CSMD1: variants seen among roughly 807,000 people sequenced by gnomAD.
CSMD1 encodes CUB and sushi domain-containing protein 1.
In CSMD1, 213 loss-of-function variants were observed where a neutral mutation model predicts 417.5. That is an observed-to-expected ratio of 0.51 (90% CI 0.46 to 0.57). The LOEUF (loss-of-function observed/expected upper bound fraction) is 0.57. Ranked by LOEUF, CSMD1 falls within the 20% of genes least tolerant of loss-of-function variation. The pLI is 0.00. For missense variants in CSMD1, 6,923 were observed against 4,529.7 expected (o/e 1.53, Z -15.17); for synonymous variants, 2,862 against 1,736.8 (o/e 1.65, Z -16.11).
intron 2 of CSMD1, among the ~76,000 whole-genome samples, chr8:4,516,035 TTC>T (rs1365128220): frequency 3.9e-5 from 6 of 152,116 alleles, no homozygotes; most frequent in African/African-American, 2.4e-5. Flanking sequence ...GAGGACTGAG[TTC>T]TGTCTTCCCA....
At chr8:4,274,833 G>C (rs1421795497) in intron 3 of CSMD1, among the ~76,000 whole-genome samples, 2 of 152,020 alleles carry the variant, frequency 1.3e-5, no homozygotes, top group Non-Finnish European at 2.9e-5. Context: ...GCTTTGCTTT[G>C]AAAACTATTG....
chr8:4,064,713 G>C lies in CSMD1; in HGVS notation c.416-32614C>G, dbSNP rs561238624. Among the ~76,000 whole-genome samples, 3 of 152,122 alleles carry C rather than the reference G, an allele frequency of 2.0e-5. No individual in the cohort carries two copies. The South Asian group carries it at 6.2e-4, about 32-fold the overall frequency. On this transcript the variant is annotated intron_variant, in intron 3 of 69. Coordinates refer to ENST00000635120, the MANE Select transcript of CSMD1 (RefSeq NM_033225.6). The stretch of plus-strand genomic sequence containing the variant: ...TGCCCTGGCGTGTTGGTCACCCCCA[G>C]TATCCGTACTCAACCTTCACAACCG...
intron 3 of CSMD1, among the ~76,000 whole-genome samples, chr8:4,343,621 C>G (rs950109554): frequency 2.0e-5 from 3 of 152,168 alleles, no homozygotes; most frequent in East Asian, 1.9e-4. Flanking sequence ...AAAAAGCAGA[C>G]TATGTGCACT....
chr8:4,046,559 T>G (rs1431209245), intron 3 of CSMD1, among the ~76,000 whole-genome samples: 1 of 152,192 alleles, frequency 6.6e-6, no homozygotes, highest in Non-Finnish European at 1.5e-5. Context: ...AGTATAACTG[T>G]GGGCTTCCAG....
At chr8:4,418,288 A>C (rs575701816) in intron 3 of CSMD1, among the ~76,000 whole-genome samples, 41 of 152,286 alleles carry the variant, frequency 2.7e-4, no homozygotes, top group Non-Finnish European at 5.1e-4. Context: ...TTTTCTAGAA[A>C]GTTTTTCAGT....
intron 21 of CSMD1, among the ~76,000 whole-genome samples, chr8:3,355,840 A>C (rs1808743604): frequency 6.6e-6 from 1 of 152,190 alleles, no homozygotes; most frequent in Non-Finnish European, 1.5e-5. Flanking sequence ...GCAAGTGAAA[A>C]AGAAGATCCT....
chr8:4,821,255 A>G (rs1799508165), intron 1 of CSMD1, among the ~76,000 whole-genome samples: 1 of 152,190 alleles, frequency 6.6e-6, no homozygotes, highest in Admixed American at 6.5e-5. Flanking sequence ...CGCAGACTCC[A>G]GTTCAAATTG....
chr8:4,129,767 T>G (rs1802985259), intron 3 of CSMD1, among the ~76,000 whole-genome samples: 1 of 152,158 alleles, frequency 6.6e-6, no homozygotes, highest in Non-Finnish European at 1.5e-5. Flanking sequence ...CTGGAAAATT[T>G]CTTCAACAAT....
rs567537306 is a variant in CSMD1, at chr8:4,532,140, C to A, written c.302+105202G>T. On this transcript the variant is annotated intron_variant, in intron 2 of 69. Coordinates refer to ENST00000635120, the MANE Select transcript of CSMD1 (RefSeq NM_033225.6). ...CAGTCACTCCGGAAGAGAAATCCTG[C>A]AAGCCCATTCACAGTCCTCCAGAAA... Among the ~76,000 whole-genome samples the A allele has an allele frequency of 3.5e-3, 185 of 53,246 alleles. 1 individual carries two copies. Among genetic ancestry groups the A allele is most frequent in the African/African-American group, 0.013 (180 of 14,304 alleles). The allele number at this position is 53,246 out of a possible 152,430, so 34.9% of individuals were successfully genotyped here.
chr8:3,251,637 C>G (rs1038361148), intron 26 of CSMD1, among the ~76,000 whole-genome samples: 1 of 152,170 alleles, frequency 6.6e-6, no homozygotes, highest in Admixed American at 6.5e-5. Flanking sequence ...GGCTTTGAAT[C>G]TATCAATTAC....
chr8:4,245,506 G>A lies in CSMD1; in HGVS notation c.415+174447C>T, dbSNP rs181451000. On this transcript the variant is annotated intron_variant, in intron 3 of 69. Transcript: ENST00000635120. Reference sequence around the variant, plus strand: ...ACTCTTCATGAAGAGCCTAAGGTTGGATGTTTCCCAATCCATGGTCTCTCC... The same window carrying A: ...ACTCTTCATGAAGAGCCTAAGGTTGAATGTTTCCCAATCCATGGTCTCTCC... Among the ~76,000 whole-genome samples the A allele has an allele frequency of 2.6e-5, 4 of 152,256 alleles. No homozygotes were observed. The East Asian group carries it at 5.8e-4, about 22-fold the overall frequency.
intron 68 of CSMD1, among the ~76,000 whole-genome samples, chr8:2,945,094 G>A (rs189773174): frequency 7.2e-4 from 109 of 152,244 alleles, no homozygotes; most frequent in African/African-American, 2.4e-3. Flanking sequence ...TACACACATT[G>A]TGTTAATTAA....
chr8:4,176,314 T>C (rs1393229009), intron 3 of CSMD1, among the ~76,000 whole-genome samples: 1 of 152,132 alleles, frequency 6.6e-6, no homozygotes, highest in Non-Finnish European at 1.5e-5. Flanking sequence ...CTTATCTATA[T>C]TGTTTGCTGA....
intron 5 of CSMD1, among the ~76,000 whole-genome samples, chr8:3,846,945 G>A (rs939149407): frequency 6.6e-6 from 1 of 152,184 alleles, no homozygotes; most frequent in Admixed American, 6.5e-5. Context: ...AAAGTGCTGT[G>A]ATTACAGCCG....
intron 1 of CSMD1, among the ~76,000 whole-genome samples, chr8:4,986,774 C>G (rs1395452763): frequency 2.0e-5 from 3 of 151,926 alleles, no homozygotes; most frequent in Non-Finnish European, 4.4e-5. Flanking sequence ...AATAGAGGCA[C>G]TGATGATAAA....
intron 1 of CSMD1, among the ~76,000 whole-genome samples, chr8:4,810,552 T>A (rs1798839174): frequency 6.6e-6 from 1 of 152,124 alleles, no homozygotes; most frequent in Admixed American, 6.6e-5. Context: ...CGCACGCGCG[T>A]ATGTGTGTGT....
chr8:3,052,699 A>G, intron 49 of CSMD1, 52 bp from the exon 50 acceptor site: 1 of 1,292,596 alleles, frequency 7.7e-7, no homozygotes, highest in Non-Finnish European at 1.0e-6. Flanking sequence ...ATTATTTTCC[A>G]GCTATTAAAA....
At chr8:3,911,486 C>T (rs541335479) in intron 5 of CSMD1, among the ~76,000 whole-genome samples, 140 of 150,908 alleles carry the variant, frequency 9.3e-4, no homozygotes, top group Non-Finnish European at 1.6e-3. Flanking sequence ...CAAGATTGCG[C>T]CACTGCACTC....
intron 1 of CSMD1, among the ~76,000 whole-genome samples, chr8:4,982,097 C>T (rs1273972697): frequency 6.6e-6 from 1 of 152,190 alleles, no homozygotes; most frequent in Non-Finnish European, 1.5e-5. Flanking sequence ...AGCTGAGCCT[C>T]AGGTGGCAAT....
Sources: allele counts gnomAD v4.1 joint callset (sites outside exome capture counted in the v4.1 genomes callset), GRCh38; gene constraint gnomAD v4.1.1; transcripts MANE v1.5; gene names NCBI Gene and HGNC (gene_info 2026-07-23, HGNC 2026-07-21).